The following FLYWCH2 variants were observed in gnomAD, a reference collection of about 807,000 sequenced individuals.
FLYWCH2 encodes the protein FLYWCH family member 2.
FLYWCH2 carries 2 observed loss-of-function variants against 6.0 expected under a neutral mutation model. The ratio of observed to expected loss-of-function variants is 0.33; its 90% CI spans 0.14 to 1.04. The LOEUF is 1.04. Ranked by LOEUF, FLYWCH2 falls within the 50% of genes least tolerant of loss-of-function variation. The probability of loss-of-function intolerance (pLI) is 0.45; values close to 1 mark genes in which losing one functional copy is unlikely to be tolerated. For missense variants in FLYWCH2, 192 were observed against 183.4 expected, an observed-to-expected ratio of 1.05 and a Z score of -0.27; for synonymous variants, 87 against 79.3, an observed-to-expected ratio of 1.10 and a Z score of -0.52.
intron 1 of FLYWCH2, among the ~76,000 whole-genome samples, chr16:2,893,701 G>A (rs1030211532): frequency 4.3e-5 from 6 of 140,910 alleles, no homozygotes; most frequent in Admixed American, 2.3e-4. Context: ...GCAGTGGCAC[G>A]ATCTCGGCTC....
intron 3 of FLYWCH2, 62 bp from the exon 4 acceptor site, chr16:2,898,987 C>G: frequency 7.2e-7 from 1 of 1,387,078 alleles, no homozygotes; most frequent in South Asian, 1.3e-5. Context: ...AGACCCCCAA[C>G]AGCCAAGCTG....
At chr16:2,884,558 T>TAGAAAAAAAAAAAA (rs2069674882) in intron 1 of FLYWCH2, among the ~76,000 whole-genome samples, 1 of 39,286 alleles carries the variant, frequency 2.5e-5, no homozygotes, top group Admixed American at 3.5e-4. Flanking sequence ...CCGTCTCTAC[T>TAGAAAAAAAAAAAA]AAAAAAAAAA....
chr16:2,890,206 G>A (rs964816730), intron 1 of FLYWCH2, among the ~76,000 whole-genome samples: 6 of 149,082 alleles, frequency 4.0e-5, no homozygotes, highest in East Asian at 3.9e-4. Context: ...TTTTGTGTGC[G>A]TGTGTGTGTT....
intron 1 of FLYWCH2, among the ~76,000 whole-genome samples, chr16:2,890,251 GT>G (rs1182958302): frequency 2.1e-5 from 3 of 146,256 alleles, no homozygotes; most frequent in Non-Finnish European, 4.5e-5. Flanking sequence ...TGTTTTTGTT[GT>G]TTTTTGGTTT....
chr16:2,884,146 C>G (rs1419515702), intron 1 of FLYWCH2, among the ~76,000 whole-genome samples: 1 of 152,144 alleles, frequency 6.6e-6, no homozygotes, highest in African/African-American at 2.4e-5. Flanking sequence ...GGAACTTTTG[C>G]GATGACTTCA....
chr16:2,897,525 A>G (rs1166885805), intron 3 of FLYWCH2, among the ~76,000 whole-genome samples: 1 of 151,812 alleles, frequency 6.6e-6, no homozygotes, highest in East Asian at 1.9e-4. Context: ...CCCTGCTCCC[A>G]CTCCCCAGGG....
At chr16:2,889,236 A>C (rs1239584696) in intron 1 of FLYWCH2, among the ~76,000 whole-genome samples, 1 of 131,894 alleles carries the variant, frequency 7.6e-6, no homozygotes, top group Non-Finnish European at 1.5e-5. Context: ...TTTGAGACGG[A>C]GTCTCGCTCT....
intron 1 of FLYWCH2, among the ~76,000 whole-genome samples, chr16:2,892,506 C>T (rs888545129): frequency 2.8e-4 from 35 of 124,768 alleles, no homozygotes; most frequent in African/African-American, 1.0e-3. Context: ...AAAAAAAAAA[C>T]ACAATTTATC....
intron 3 of FLYWCH2, among the ~76,000 whole-genome samples, chr16:2,897,219 G>A (rs2069833483): frequency 6.6e-6 from 1 of 152,198 alleles, no homozygotes. Context: ...CAGCAGCTGT[G>A]TGCAGGCTGG....
intron 1 of FLYWCH2, among the ~76,000 whole-genome samples, chr16:2,888,221 G>A (rs545291131): frequency 5.1e-4 from 77 of 151,970 alleles, no homozygotes; most frequent in Non-Finnish European, 9.0e-4. Context: ...TGTTGCTTAT[G>A]CTGGTCTCAA....
chr16:2,887,287 G>A (rs537395478), intron 1 of FLYWCH2, among the ~76,000 whole-genome samples: 15 of 149,244 alleles, frequency 1.0e-4, no homozygotes, highest in African/African-American at 3.7e-4. Context: ...CTGGGACCAC[G>A]GGTGCACACC....
intron 1 of FLYWCH2, among the ~76,000 whole-genome samples, chr16:2,891,695 C>T (rs1267486880): frequency 1.3e-5 from 2 of 152,028 alleles, no homozygotes; most frequent in East Asian, 1.9e-4. Flanking sequence ...TGAGCCACCG[C>T]GCCTGGCCTC....
Position 2,883,377 on chromosome 16 carries a change from G to A in FLYWCH2, c.-200+11G>A, listed in dbSNP as rs1007001750. Reference sequence around the variant, plus strand: ...GCACCGCTGTCGTCGGTGAGGACGGGCCCTGGCGGGCGGGGAGGGTCCTGC... The same window carrying A: ...GCACCGCTGTCGTCGGTGAGGACGGACCCTGGCGGGCGGGGAGGGTCCTGC... On this transcript the variant is annotated intron_variant, in intron 1 of 3. Transcript: ENST00000396958. 4 of 152,266 alleles carry A rather than the reference G, an allele frequency of 2.6e-5. No homozygotes were observed. The highest frequency in any genetic ancestry group is 5.9e-5 in the Non-Finnish European group (4 of 68,080). 9.4% of individuals were successfully genotyped at this position (152,266 alleles called of 1,614,324 possible). A position where few individuals can be genotyped will look rare whatever the true frequency, so the allele number is the denominator to read the frequency against.
chr16:2,893,539 G>T (rs1180704723), intron 1 of FLYWCH2, among the ~76,000 whole-genome samples: 1 of 151,722 alleles, frequency 6.6e-6, no homozygotes, highest in Non-Finnish European at 1.5e-5. Context: ...TCGCTTTGGA[G>T]AATTAGTCAA....
Position 2,892,997 on chromosome 16 carries a change from AC to A in FLYWCH2, c.-199-2222del, listed in dbSNP as rs201647970. On this transcript the variant is annotated intron_variant, in intron 1 of 3. Coordinates refer to ENST00000396958, the MANE Select transcript of FLYWCH2 (RefSeq NM_138439.3). ...TATATATTATATATGTCACATATAT[AC>A]ATATATTTTATTTATATATATACAC... Among the ~76,000 whole-genome samples, 919 of 112,688 alleles carry A rather than the reference AC, an allele frequency of 8.2e-3. 8 individuals carry two copies. Among genetic ancestry groups the A allele is most frequent in the African/African-American group, 0.028 (864 of 30,864 alleles). The allele number at this position is 112,688 out of a possible 152,430, so 73.9% of individuals were successfully genotyped here.
At chr16:2,888,829 C>T (rs1046252402) in intron 1 of FLYWCH2, among the ~76,000 whole-genome samples, 1 of 152,052 alleles carries the variant, frequency 6.6e-6, no homozygotes, top group South Asian at 2.1e-4. Context: ...AATTATTTCT[C>T]TGCAGCTTCA....
At chr16:2,892,958 T>C (rs1248113959) in intron 1 of FLYWCH2, among the ~76,000 whole-genome samples, 1 of 147,560 alleles carries the variant, frequency 6.8e-6, no homozygotes, top group Non-Finnish European at 1.5e-5. Flanking sequence ...ATATGTGTCA[T>C]ATATCGTATA....
chr16:2,884,729 C>T (rs2069679487), intron 1 of FLYWCH2, among the ~76,000 whole-genome samples: 1 of 151,052 alleles, frequency 6.6e-6, no homozygotes, highest in Non-Finnish European at 1.5e-5. Context: ...ACAAAATTAG[C>T]CGGGTGTGGT....
chr16:2,885,834 C>T (rs1273114588), intron 1 of FLYWCH2, among the ~76,000 whole-genome samples: 3 of 152,100 alleles, frequency 2.0e-5, no homozygotes, highest in African/African-American at 7.2e-5. Flanking sequence ...TCCTTTCTTC[C>T]AGGCATATAG....
Sources: allele counts gnomAD v4.1 joint callset (sites outside exome capture counted in the v4.1 genomes callset), GRCh38; gene constraint gnomAD v4.1.1; transcripts MANE v1.5; gene names NCBI Gene and HGNC (gene_info 2026-07-23, HGNC 2026-07-21).